The following FSD2 variants were observed in gnomAD, a reference collection of about 807,000 sequenced individuals.
FSD2 encodes fibronectin type III and SPRY domain containing 2.
Under a neutral mutation model 80.4 loss-of-function variants are expected in FSD2, and 71 were observed. That is an observed-to-expected ratio of 0.88 (90% CI 0.73 to 1.08). FSD2 has a LOEUF of 1.08. Ranked by LOEUF, FSD2 falls within the 50% of genes least tolerant of loss-of-function variation. The pLI is 0.00. For missense variants in FSD2, 923 were observed against 913.8 expected (o/e 1.01, Z -0.13); for synonymous variants, 361 against 329.5 (o/e 1.10, Z -1.03).
chr15:82,772,589 G>A (rs771492581), intron 6 of FSD2, among the ~76,000 whole-genome samples: 2 of 152,180 alleles, frequency 1.3e-5, no homozygotes, highest in Non-Finnish European at 2.9e-5. Context: ...CCTCAGCAGA[G>A]ACAAAGAAGC....
chr15:82,768,246 T>C (rs1267473978), intron 9 of FSD2, among the ~76,000 whole-genome samples: 1 of 152,204 alleles, frequency 6.6e-6, no homozygotes, highest in Non-Finnish European at 1.5e-5. Flanking sequence ...GGTGGGTCTT[T>C]TAGTTCCTCC....
intron 11 of FSD2, among the ~76,000 whole-genome samples, chr15:82,764,572 G>A (rs762839634): frequency 3.5e-5 from 5 of 142,140 alleles, no homozygotes; most frequent in Admixed American, 1.5e-4. Context: ...TCCGCCCCGC[G>A]GGTTCAAGCA....
At chr15:82,769,914 C>T (rs887648295) in intron 7 of FSD2, 30 bp from the exon 8 acceptor site, 28 of 1,610,996 alleles carry the variant, frequency 1.7e-5, no homozygotes, top group Non-Finnish European at 2.4e-5. Flanking sequence ...AGAATTCAAC[C>T]CTAAAAACTG....
rs755735071 is a variant in FSD2, at chr15:82,768,915, G to T, written c.1518C>A (p.Thr506=). Residue 506 remains threonine (T), a synonymous_variant, in exon 9 of 13, where the codon ACC becomes ACA. Coordinates refer to ENST00000334574, the MANE Select transcript of FSD2 (RefSeq NM_001007122.4). ...CCGAGGCTTCTGGACTTTCAGCCTGGGTCAGCTCCACAGTGTACGAGTCCA... is the reference window on the plus strand; with the variant it reads ...CCGAGGCTTCTGGACTTTCAGCCTGTGTCAGCTCCACAGTGTACGAGTCCA... The part of the protein sequence containing the change: ...NPVDSYTVEL[T]QAESPEASGV... 2.2e-5 allele frequency: 35 copies of T among 1,582,934 alleles called. No homozygotes were observed. In the Admixed American group the frequency reaches 5.9e-4, roughly 27 times the overall value.
intron 6 of FSD2, among the ~76,000 whole-genome samples, chr15:82,772,553 G>A (rs2049607731): frequency 6.6e-6 from 1 of 152,224 alleles, no homozygotes; most frequent in South Asian, 2.1e-4. Flanking sequence ...TAAAGAGGCA[G>A]GACAACCGGG....
chr15:82,791,369 T>C (rs2050147791), intron 1 of FSD2, among the ~76,000 whole-genome samples: 1 of 151,704 alleles, frequency 6.6e-6, no homozygotes, highest in South Asian at 2.1e-4. Context: ...CATGTATTTT[T>C]AAATTTTTAA....
At chr15:82,798,505 T>A (rs1022496256) in intron 1 of FSD2, among the ~76,000 whole-genome samples, 27 of 152,170 alleles carry the variant, frequency 1.8e-4, no homozygotes, top group African/African-American at 4.1e-4. Context: ...TGTCTTTTTT[T>A]AAAAAAACTA....
intron 7 of FSD2, 21 bp downstream of exon 7, chr15:82,772,052 A>G (rs751973725): frequency 4.6e-6 from 7 of 1,534,072 alleles, no homozygotes; most frequent in Non-Finnish European, 6.1e-6. Context: ...GAGCACGGGC[A>G]TGTTCCTGGC....
intron 6 of FSD2, 89 bp from the exon 7 acceptor site, chr15:82,772,317 A>G (rs780039382): frequency 1.6e-4 from 203 of 1,300,930 alleles, no homozygotes; most frequent in Middle Eastern, 5.5e-4. Flanking sequence ...GATCCCCCCA[A>G]TGAATCCACA....
At chr15:82,800,065 T>C (rs2151542881) in intron 1 of FSD2, among the ~76,000 whole-genome samples, 1 of 152,226 alleles carries the variant, frequency 6.6e-6, no homozygotes, top group East Asian at 1.9e-4. Flanking sequence ...TTCCTCAGCC[T>C]TTATTTGTGG....
At chr15:82,765,033 TCCTC>T (rs1252170268) in intron 11 of FSD2, 129 bp downstream of exon 11, 57 of 1,126,220 alleles carry the variant, frequency 5.1e-5, no homozygotes, top group Non-Finnish European at 6.7e-5. Context: ...CCCATTAGGC[TCCTC>T]CCTCCTCACT....
At position 82,780,237 on chromosome 15, in the gene FSD2, T is replaced by C; in HGVS notation, c.989+8A>G. 5.3e-6 allele frequency: 8 copies of C among 1,500,376 alleles called. No homozygotes were observed. The highest frequency in any genetic ancestry group is 7.1e-6 in the Non-Finnish European group (8 of 1,119,810). The allele number at this position is 1,500,376 out of a possible 1,614,324, so 92.9% of individuals were successfully genotyped here. A position where few individuals can be genotyped will look rare whatever the true frequency, so the allele number is the denominator to read the frequency against. On this transcript the variant is annotated splice_region_variant and intron_variant, in intron 5 of 12. Transcript: ENST00000334574. ...AAAAAGAAATACATACTAGAACAAA[T>C]GTATTACCTGTCAGCCATAGCCACT...
intron 1 of FSD2, among the ~76,000 whole-genome samples, chr15:82,800,909 GGGT>G (rs968272264): frequency 1.4e-4 from 21 of 152,014 alleles, no homozygotes; most frequent in African/African-American, 5.1e-4. Flanking sequence ...ATCACCCCTG[GGGT>G]GGTGATTTAA....
intron 4 of FSD2, 91 bp from the exon 5 acceptor site, chr15:82,780,358 G>A (rs1423009348): frequency 3.4e-6 from 3 of 891,918 alleles, no homozygotes; most frequent in Admixed American, 3.1e-5. Context: ...TTTCTTAAAT[G>A]GAGTCTCACT....
At chr15:82,764,255 A>G (rs2049356794) in intron 11 of FSD2, among the ~76,000 whole-genome samples, 1 of 152,184 alleles carries the variant, frequency 6.6e-6, no homozygotes, top group Non-Finnish European at 1.5e-5. Context: ...ATGGCAGGAA[A>G]CATCCTCTTC....
rs777989983 is a variant in FSD2, at chr15:82,765,299, C to T, written c.1688-1G>A. Reference sequence around the variant, plus strand: ...TCCTTGTTTAGGCGAAAGTAGCTTCCTGTGGGAGGAGGAACACACAGAAGA... The same window carrying T: ...TCCTTGTTTAGGCGAAAGTAGCTTCTTGTGGGAGGAGGAACACACAGAAGA... On this transcript the variant is annotated splice_acceptor_variant, in intron 10 of 12. Transcript: ENST00000334574. LOFTEE classifies it high-confidence loss of function. 5.6e-6 allele frequency: 9 copies of T among 1,613,020 alleles called. No homozygotes were observed. The highest frequency in any genetic ancestry group is 7.6e-6 in the Non-Finnish European group (9 of 1,179,538).
At chr15:82,798,059 T>C (rs1298171031) in intron 1 of FSD2, among the ~76,000 whole-genome samples, 1 of 151,818 alleles carries the variant, frequency 6.6e-6, no homozygotes, top group Non-Finnish European at 1.5e-5. Context: ...ATATTACAGG[T>C]CAGGTACAGT....
intron 1 of FSD2, among the ~76,000 whole-genome samples, chr15:82,796,004 T>TC: frequency 6.9e-6 from 1 of 144,848 alleles, no homozygotes; most frequent in South Asian, 2.2e-4. Context: ...TCTTTTCTTT[T>TC]TTTTTTTTTT....
At chr15:82,792,765 A>T (rs901970966) in intron 1 of FSD2, among the ~76,000 whole-genome samples, 1 of 152,044 alleles carries the variant, frequency 6.6e-6, no homozygotes. Flanking sequence ...GTTTTTTAAG[A>T]GGGATTACAG....
Sources: gnomAD v4.1 joint callset for allele counts (sites outside exome capture counted in the v4.1 genomes callset) on GRCh38, gnomAD v4.1.1 for gene constraint, MANE v1.5 for transcripts, NCBI Gene and HGNC (gene_info 2026-07-23, HGNC 2026-07-21) for gene names.